BCL11B: variants seen among roughly 807,000 people sequenced by gnomAD.
The protein encoded by BCL11B is BCL11 transcription factor B.
Under a neutral mutation model 49.9 loss-of-function variants are expected in BCL11B, and 8 were observed. That is an observed-to-expected ratio of 0.16 (90% CI 0.09 to 0.29). BCL11B has a LOEUF of 0.29. BCL11B is among the 10% of genes least tolerant of loss of function. BCL11B has a pLI of 1.00. For synonymous variants in BCL11B, 739 were observed against 637.4 expected, an observed-to-expected ratio of 1.16 and a Z score of -2.40; for missense variants, 1,006 against 1,351.0, an observed-to-expected ratio of 0.74 and a Z score of 4.00.
intron 3 of BCL11B, among the ~76,000 whole-genome samples, chr14:99,225,143 C>T (rs375148118): frequency 6.6e-5 from 10 of 152,264 alleles, no homozygotes; most frequent in Admixed American, 1.3e-4. Context: ...TTCCACTGGG[C>T]GACGAACTTC....
chr14:99,201,075 T>A (rs531528819), intron 3 of BCL11B, among the ~76,000 whole-genome samples: 1 of 152,292 alleles, frequency 6.6e-6, no homozygotes, highest in South Asian at 2.1e-4. Flanking sequence ...CCACCAGGCC[T>A]CCAGCATTTT....
At chr14:99,266,863 C>T (rs765411586) in intron 1 of BCL11B, among the ~76,000 whole-genome samples, 13 of 152,108 alleles carry the variant, frequency 8.5e-5, no homozygotes, top group Non-Finnish European at 7.4e-5. Context: ...GCAAAGCAAT[C>T]GAGATAGGAG....
chr14:99,267,809 C>A (rs531813003), intron 1 of BCL11B, among the ~76,000 whole-genome samples: 2 of 152,316 alleles, frequency 1.3e-5, no homozygotes, highest in South Asian at 4.2e-4. Flanking sequence ...ATCGTGAATT[C>A]ATACGGAAAA....
At chr14:99,246,484 G>T (rs1298512137) in intron 2 of BCL11B, among the ~76,000 whole-genome samples, 5 of 152,216 alleles carry the variant, frequency 3.3e-5, no homozygotes, top group African/African-American at 9.6e-5. Flanking sequence ...GAACAGTGCC[G>T]AGGAGCCTCC....
chr14:99,257,895 G>T lies in BCL11B; in HGVS notation c.59-56C>A. 1 of 1,447,896 alleles carries T rather than the reference G, an allele frequency of 6.9e-7. No homozygotes were observed. The highest frequency in any genetic ancestry group is 9.1e-7 in the Non-Finnish European group (1 of 1,097,728). 89.7% of individuals were successfully genotyped at this position (1,447,896 alleles called of 1,614,324 possible). A position where few individuals can be genotyped will look rare whatever the true frequency, so the allele number is the denominator to read the frequency against. On this transcript the variant is annotated intron_variant, in intron 1 of 3. Coordinates refer to ENST00000357195, the MANE Select transcript of BCL11B (RefSeq NM_138576.4). This position sits in a 1 kb window ranked among gnomAD's most constrained non-coding sequence, Gnocchi z 6.2. ...AGAGAAGATAGAGATGGGCTTAGGC[G>T]GTCACAGCACCCAACTTCCGGTCCA... is the stretch of plus-strand genomic sequence containing the variant.
chr14:99,188,850 T>G (rs1001855152), intron 3 of BCL11B, among the ~76,000 whole-genome samples: 1 of 152,236 alleles, frequency 6.6e-6, no homozygotes, highest in South Asian at 2.1e-4. Context: ...TGGCCGAGTC[T>G]GCTGTCGGCC....
At chr14:99,190,566 G>A (rs1886995303) in intron 3 of BCL11B, among the ~76,000 whole-genome samples, 1 of 152,080 alleles carries the variant, frequency 6.6e-6, no homozygotes, top group South Asian at 2.1e-4. Flanking sequence ...TTTTAGTGAA[G>A]TCCCATTCCT....
chr14:99,206,402 A>C (rs1247123784), intron 3 of BCL11B, among the ~76,000 whole-genome samples: 1 of 152,206 alleles, frequency 6.6e-6, no homozygotes, highest in Non-Finnish European at 1.5e-5. Context: ...TGGTCCAAAA[A>C]TATTAAATGG....
At chr14:99,266,840 A>G (rs1358943165) in intron 1 of BCL11B, among the ~76,000 whole-genome samples, 2 of 152,234 alleles carry the variant, frequency 1.3e-5, no homozygotes, top group African/African-American at 4.8e-5. Context: ...TATCACAACA[A>G]GCAACAGAGA....
chr14:99,191,391 G>A (rs1004403852), intron 3 of BCL11B, among the ~76,000 whole-genome samples: 60 of 132,600 alleles, frequency 4.5e-4, no homozygotes, highest in African/African-American at 1.4e-3. Context: ...TGTGGGGACC[G>A]CACCTAAATC....
At chr14:99,179,134 A>G (rs979984486) in intron 3 of BCL11B, among the ~76,000 whole-genome samples, 2 of 152,232 alleles carry the variant, frequency 1.3e-5, no homozygotes. Context: ...TCAGGTAGCT[A>G]CAAGTGCTAA....
chr14:99,247,741 T>A lies in BCL11B; in HGVS notation c.427+9730A>T, dbSNP rs1427487929. Among the ~76,000 whole-genome samples the A allele has an allele frequency of 6.6e-6, 1 of 152,242 alleles. No homozygotes were observed. Among genetic ancestry groups the A allele is most frequent in the Non-Finnish European group, 1.5e-5 (1 of 68,042 alleles). Reference sequence around the variant, plus strand: ...ATCACTAGAGGCACAGCCTAGGCACTGGGGCTACCAGCTCCTAGGGCTCTG... The same window carrying A: ...ATCACTAGAGGCACAGCCTAGGCACAGGGGCTACCAGCTCCTAGGGCTCTG... On this transcript the variant is annotated intron_variant, in intron 2 of 3. Transcript: ENST00000357195. The surrounding 1 kb of genome is among the most constrained non-coding windows in gnomAD (Gnocchi z 4.5).
chr14:99,255,731 G>A (rs1201382511), intron 2 of BCL11B, among the ~76,000 whole-genome samples: 1 of 152,250 alleles, frequency 6.6e-6, no homozygotes, highest in African/African-American at 2.4e-5. Flanking sequence ...TCCCTGGAAT[G>A]TGGACCAACA....
At chr14:99,188,214 G>A (rs759589654) in intron 3 of BCL11B, among the ~76,000 whole-genome samples, 1 of 152,182 alleles carries the variant, frequency 6.6e-6, no homozygotes, top group Non-Finnish European at 1.5e-5. Flanking sequence ...AAACATGCTA[G>A]CCCAGGGTTT....
intron 3 of BCL11B, among the ~76,000 whole-genome samples, chr14:99,204,031 C>A (rs1345782885): frequency 1.3e-5 from 2 of 152,190 alleles, no homozygotes; most frequent in Non-Finnish European, 2.9e-5. Context: ...GGTCTTCCAG[C>A]CACTGCCCCC....
chr14:99,223,613 T>C (rs188615237), intron 3 of BCL11B, among the ~76,000 whole-genome samples: 1 of 152,226 alleles, frequency 6.6e-6, no homozygotes, highest in Non-Finnish European at 1.5e-5. Flanking sequence ...CCACCTTTCA[T>C]GGAAAACCCA....
rs927420630 is a variant in BCL11B, at chr14:99,228,169, G to A, written c.640+3176C>T. On this transcript the variant is annotated intron_variant, in intron 3 of 3. Coordinates refer to ENST00000357195, the MANE Select transcript of BCL11B (RefSeq NM_138576.4). The surrounding 1 kb of genome is among the most constrained non-coding windows in gnomAD (Gnocchi z 4.8). ...AGATGGGTTCAATGCATCCTGATCC[G>A]AAAAGGGACAAAACCAGGTAAGGAC... Among the ~76,000 whole-genome samples the A allele has an allele frequency of 5.3e-5, 8 of 152,304 alleles. No individual in the cohort carries two copies. The highest frequency in any genetic ancestry group is 2.1e-4 in the South Asian group (1 of 4,824).
chr14:99,199,690 G>GCA (rs1887309551), intron 3 of BCL11B, among the ~76,000 whole-genome samples: 2 of 64,350 alleles, frequency 3.1e-5, no homozygotes, highest in South Asian at 3.7e-4. Flanking sequence ...GTGTGCGCGC[G>GCA]CGCGCGCACG....
intron 1 of BCL11B, among the ~76,000 whole-genome samples, chr14:99,261,204 G>A (rs1451168597): frequency 6.6e-6 from 1 of 152,216 alleles, no homozygotes; most frequent in African/African-American, 2.4e-5. Context: ...CAGAGTAAGT[G>A]GACCAAGTGG....
Sources: allele counts gnomAD v4.1 joint callset (sites outside exome capture counted in the v4.1 genomes callset), GRCh38; gene constraint gnomAD v4.1.1; non-coding constraint Gnocchi (gnomAD v3.1); transcripts MANE v1.5; gene names NCBI Gene and HGNC (gene_info 2026-07-23, HGNC 2026-07-21).